DZIP3: variants seen among roughly 807,000 people sequenced by gnomAD.
DZIP3 encodes the protein E3 ubiquitin-protein ligase DZIP3.
A neutral mutation model predicts 162.0 loss-of-function variants in DZIP3; 118 were observed. The ratio of observed to expected loss-of-function variants is 0.73; its 90% CI spans 0.63 to 0.85. The LOEUF is 0.85. Ranked by LOEUF, DZIP3 falls within the 40% of genes least tolerant of loss-of-function variation. The pLI is 0.00. For missense variants in DZIP3, 1,331 were observed against 1,407.0 expected, an observed-to-expected ratio of 0.95 and a Z score of 0.86; for synonymous variants, 438 against 458.6, an observed-to-expected ratio of 0.96 and a Z score of 0.57.
intron 22 of DZIP3, among the ~76,000 whole-genome samples, chr3:108,670,445 T>C (rs28498034): frequency 0.019 from 2,896 of 152,018 alleles, 101 homozygotes; most frequent in African/African-American, 0.067. Flanking sequence ...CAAAATTCAT[T>C]CATGTTGTAG....
intron 4 of DZIP3, among the ~76,000 whole-genome samples, chr3:108,612,650 CT>C (rs770318642): frequency 4.1e-4 from 63 of 152,246 alleles, no homozygotes; most frequent in Admixed American, 9.2e-4. Context: ...TGTACACATT[CT>C]CCCGTATGTG....
chr3:108,607,100 T>C (rs1208702111), intron 2 of DZIP3, among the ~76,000 whole-genome samples: 1 of 152,122 alleles, frequency 6.6e-6, no homozygotes, highest in Non-Finnish European at 1.5e-5. Context: ...GGCTTGGAAG[T>C]GGAGGAAAAG....
At chr3:108,622,880 C>CTGTGTGTG (rs1553703883) in intron 5 of DZIP3, among the ~76,000 whole-genome samples, 3,470 of 53,028 alleles carry the variant, frequency 0.065, 282 homozygotes, top group South Asian at 0.095. Flanking sequence ...CTCTCTCTCT[C>CTGTGTGTG]TGTGTGTGTG....
intron 32 of DZIP3, chr3:108,691,460 G>T (rs1344074973): frequency 6.6e-6 from 1 of 151,666 alleles, no homozygotes; most frequent in African/African-American, 2.4e-5. Context: ...GGGATAAAAG[G>T]GTATGATCTA....
intron 21 of DZIP3, among the ~76,000 whole-genome samples, chr3:108,662,564 G>T (rs1943487576): frequency 1.3e-5 from 2 of 152,168 alleles, no homozygotes; most frequent in Admixed American, 1.3e-4. Context: ...TGTGACCAAT[G>T]ATTGGCTGTT....
At chr3:108,629,453 A>G (rs1941729526) in intron 8 of DZIP3, among the ~76,000 whole-genome samples, 1 of 152,138 alleles carries the variant, frequency 6.6e-6, no homozygotes, top group Non-Finnish European at 1.5e-5. Context: ...TTTTTTCCTA[A>G]TTATCTTTAC....
Position 108,620,871 on chromosome 3 carries a change from G to C in DZIP3, c.376-3573G>C, listed in dbSNP as rs146438009. ...GAGTCTCACTCTGTCACCCAGGCTG[G>C]AATGCAGTGGCACGATCTCGGCTCA... On this transcript the variant is annotated intron_variant, in intron 5 of 32. Transcript: ENST00000361582. Among the ~76,000 whole-genome samples the C allele has an allele frequency of 6.9e-3, 1,046 of 152,274 alleles. 5 individuals are homozygous for C. Among genetic ancestry groups the C allele is most frequent in the African/African-American group, 0.024 (986 of 41,540 alleles).
intron 25 of DZIP3, among the ~76,000 whole-genome samples, chr3:108,676,787 G>A (rs1944127234): frequency 2.6e-5 from 4 of 152,022 alleles, no homozygotes; most frequent in African/African-American, 7.2e-5. Flanking sequence ...CCTGCCCCAT[G>A]TTTTCTTCCA....
intron 23 of DZIP3, among the ~76,000 whole-genome samples, chr3:108,673,628 G>C (rs1944002076): frequency 1.3e-5 from 2 of 152,004 alleles, no homozygotes; most frequent in African/African-American, 4.8e-5. Flanking sequence ...GCCCGTTTCT[G>C]TCTTTCTGTA....
chr3:108,634,793 A>T, intron 9 of DZIP3, 78 bp from the exon 10 acceptor site: 1 of 717,146 alleles, frequency 1.4e-6, no homozygotes, highest in East Asian at 3.2e-5. Context: ...AATAATTTTT[A>T]AAGTGACAAT....
chr3:108,673,968 A>G (rs1944011972), intron 23 of DZIP3, 110 bp from the exon 24 acceptor site: 5 of 834,556 alleles, frequency 6.0e-6, no homozygotes, highest in South Asian at 1.5e-5. Flanking sequence ...CCTAGATGCT[A>G]TTGGAAGAAA....
chr3:108,636,730 T>C (rs1374078698), intron 11 of DZIP3, 22 bp downstream of exon 11: 2 of 582,404 alleles, frequency 3.4e-6, no homozygotes, highest in Admixed American at 1.2e-4. Flanking sequence ...GTTTTGTCCT[T>C]TTTTTTTTTT....
intron 8 of DZIP3, among the ~76,000 whole-genome samples, chr3:108,630,307 A>T (rs1403523896): frequency 6.6e-6 from 1 of 152,072 alleles, no homozygotes; most frequent in African/African-American, 2.4e-5. Flanking sequence ...ATCTTTCTTG[A>T]TCTTTATGTT....
intron 24 of DZIP3, 58 bp from the exon 25 acceptor site, chr3:108,675,728 G>A (rs1030604626): frequency 4.8e-6 from 7 of 1,470,246 alleles, no homozygotes; most frequent in Non-Finnish European, 4.6e-6. Flanking sequence ...GACATGTTTG[G>A]AAACCTAAGT....
intron 13 of DZIP3, among the ~76,000 whole-genome samples, chr3:108,643,227 T>C (rs1942476297): frequency 3.3e-5 from 5 of 152,180 alleles, no homozygotes; most frequent in Admixed American, 2.0e-4. Context: ...CAAATGCCAT[T>C]ATATACTAAA....
chr3:108,646,997 C>T (rs921631078), intron 15 of DZIP3, among the ~76,000 whole-genome samples: 22 of 152,072 alleles, frequency 1.4e-4, no homozygotes, highest in Admixed American at 3.9e-4. Flanking sequence ...GCCAAGATCA[C>T]GCCACTGCAT....
intron 26 of DZIP3, among the ~76,000 whole-genome samples, chr3:108,679,224 C>T (rs1054239893): frequency 6.6e-6 from 1 of 152,064 alleles, no homozygotes; most frequent in Non-Finnish European, 1.5e-5. Flanking sequence ...GGTCCAGAGA[C>T]TGTGAAGCTG....
chr3:108,593,226 G>A (rs1939524293), intron 1 of DZIP3, among the ~76,000 whole-genome samples: 2 of 152,148 alleles, frequency 1.3e-5, no homozygotes, highest in South Asian at 2.1e-4. Context: ...GCCAAGCACT[G>A]TCCTAAGGAC....
At chr3:108,646,488 C>A in intron 14 of DZIP3, 129 bp from the exon 15 acceptor site, 1 of 694,096 alleles carries the variant, frequency 1.4e-6, no homozygotes, top group Non-Finnish European at 2.6e-6. Flanking sequence ...ATGAGCAAAG[C>A]TGGTTATTTT....
Sources: gnomAD v4.1 joint callset for allele counts (sites outside exome capture counted in the v4.1 genomes callset) on GRCh38, gnomAD v4.1.1 for gene constraint, MANE v1.5 for transcripts, NCBI Gene and HGNC (gene_info 2026-07-23, HGNC 2026-07-21) for gene names.